KAZN: variants seen among roughly 807,000 people sequenced by gnomAD.
KAZN encodes the protein kazrin.
KAZN carries 40 observed loss-of-function variants against 87.4 expected under a neutral mutation model. The observed-to-expected ratio is 0.46, with a 90% CI of 0.36 to 0.60. The LOEUF is 0.60. KAZN is among the 20% of genes least tolerant of loss of function. KAZN has a pLI of 0.00. For synonymous variants in KAZN, 466 were observed against 458.3 expected (o/e 1.02, Z -0.22); for missense variants, 898 against 1,073.9 (o/e 0.84, Z 2.29).
At chr1:14,811,145 A>G (rs1434068082) in intron 1 of KAZN, among the ~76,000 whole-genome samples, 2 of 152,158 alleles carry the variant, frequency 1.3e-5, no homozygotes, top group Admixed American at 6.5e-5. Context: ...CCGACAGCAC[A>G]ATTGTCAGAA....
intron 2 of KAZN, among the ~76,000 whole-genome samples, chr1:14,569,451 T>C (rs1674731839): frequency 6.7e-6 from 1 of 149,864 alleles, no homozygotes; most frequent in African/African-American, 2.5e-5. Flanking sequence ...GCCTCCCGAG[T>C]AGCTGGGATT....
intron 1 of KAZN, among the ~76,000 whole-genome samples, chr1:14,172,970 G>A (rs1557535365): frequency 6.6e-6 from 1 of 152,138 alleles, no homozygotes; most frequent in African/African-American, 2.4e-5. Context: ...GCTTCTCCCA[G>A]AAGGAGCATT....
intron 2 of KAZN, among the ~76,000 whole-genome samples, chr1:14,308,063 C>T (rs1655046396): frequency 6.6e-6 from 1 of 152,060 alleles, no homozygotes; most frequent in South Asian, 2.1e-4. Flanking sequence ...GGCCTGTGTT[C>T]TTTAAAAATT....
At chr1:14,895,666 A>C (rs1655186842) in intron 1 of KAZN, among the ~76,000 whole-genome samples, 1 of 152,168 alleles carries the variant, frequency 6.6e-6, no homozygotes. Flanking sequence ...CTTGTGTCCC[A>C]AGTCTTTTCA....
chr1:14,983,768 C>A (rs1300217789), intron 2 of KAZN, among the ~76,000 whole-genome samples: 1 of 150,744 alleles, frequency 6.6e-6, no homozygotes, highest in African/African-American at 2.4e-5. Flanking sequence ...ATGGTGAAAC[C>A]CTGTCTCTAC....
At chr1:14,092,481 C>A (rs937684658) in intron 1 of KAZN, among the ~76,000 whole-genome samples, 12 of 150,384 alleles carry the variant, frequency 8.0e-5, no homozygotes, top group Non-Finnish European at 1.6e-4. Flanking sequence ...TACACACACA[C>A]AACACACACA....
At chr1:14,203,297 G>A (rs536631993) in intron 2 of KAZN, among the ~76,000 whole-genome samples, 123 of 152,254 alleles carry the variant, frequency 8.1e-4, no homozygotes, top group Non-Finnish European at 1.6e-3. Context: ...TTCATTAGAA[G>A]TGGATAATAG....
chr1:14,731,806 T>C (rs1643690040), intron 1 of KAZN, among the ~76,000 whole-genome samples: 1 of 152,222 alleles, frequency 6.6e-6, no homozygotes, highest in Non-Finnish European at 1.5e-5. Context: ...ACAAGTGCCT[T>C]AATGTTGCTG....
At chr1:14,236,006 A>G (rs1648387474) in intron 2 of KAZN, among the ~76,000 whole-genome samples, 1 of 152,088 alleles carries the variant, frequency 6.6e-6, no homozygotes, top group Non-Finnish European at 1.5e-5. Context: ...TTACTCCTCC[A>G]TTCTTAGGAG....
intron 1 of KAZN, among the ~76,000 whole-genome samples, chr1:14,096,294 G>T (rs1483292679): frequency 6.6e-6 from 1 of 152,160 alleles, no homozygotes; most frequent in Non-Finnish European, 1.5e-5. Context: ...GGGGTATAAA[G>T]GGTAATAATT....
chr1:14,538,781 G>C (rs1672644475), intron 2 of KAZN, among the ~76,000 whole-genome samples: 1 of 152,174 alleles, frequency 6.6e-6, no homozygotes, highest in African/African-American at 2.4e-5. Context: ...TCAGTAAACT[G>C]ATCACTTTTG....
At chr1:14,616,981 C>A (rs1200738497) in intron 1 of KAZN, among the ~76,000 whole-genome samples, 2 of 152,190 alleles carry the variant, frequency 1.3e-5, no homozygotes, top group Non-Finnish European at 2.9e-5. Flanking sequence ...TTTGGTCATT[C>A]AGTGAGTGTC....
intron 1 of KAZN, among the ~76,000 whole-genome samples, chr1:14,787,134 TC>T (rs1645532450): frequency 6.6e-6 from 1 of 152,202 alleles, no homozygotes; most frequent in Non-Finnish European, 1.5e-5. Context: ...TGAGTTCAAG[TC>T]TGATTTTGGT....
upstream of KAZN, among the ~76,000 whole-genome samples, chr1:14,595,692 AAAAAAAG>A (rs1380072139): frequency 3.3e-5 from 5 of 151,184 alleles, no homozygotes; most frequent in East Asian, 1.9e-4. Flanking sequence ...AAAAAAAAAA[AAAAAAAG>A]AAAAAGAAAA....
chr1:14,513,162 G>A (rs1328014527), intron 2 of KAZN, among the ~76,000 whole-genome samples: 1 of 152,134 alleles, frequency 6.6e-6, no homozygotes, highest in African/African-American at 2.4e-5. Flanking sequence ...TTAGAATCAT[G>A]TCCAATTTCT....
At chr1:14,499,533 A>G (rs12733612) in intron 2 of KAZN, among the ~76,000 whole-genome samples, 109,262 of 152,022 alleles carry the variant, frequency 0.72, 40,404 homozygotes, top group Non-Finnish European at 0.82. Context: ...CTGAATAACA[A>G]TGGTGCATTG....
At chr1:14,414,194 C>T (rs762684394) in intron 2 of KAZN, among the ~76,000 whole-genome samples, 16 of 152,196 alleles carry the variant, frequency 1.1e-4, no homozygotes, top group Non-Finnish European at 1.5e-4. Flanking sequence ...TAATTTACAG[C>T]GGAATTTGGC....
intron 1 of KAZN, among the ~76,000 whole-genome samples, chr1:14,077,985 A>G (rs1256460109): frequency 1.3e-5 from 2 of 152,250 alleles, no homozygotes; most frequent in Non-Finnish European, 2.9e-5. Flanking sequence ...AACTCTGCTG[A>G]CATTGGACTT....
chr1:14,302,822 G>A (rs934186256), intron 2 of KAZN, among the ~76,000 whole-genome samples: 1 of 152,106 alleles, frequency 6.6e-6, no homozygotes, highest in African/African-American at 2.4e-5. Context: ...TGATCACCAC[G>A]AGCCACCTCT....
Sources: gnomAD v4.1 joint callset for allele counts (sites outside exome capture counted in the v4.1 genomes callset) on GRCh38, gnomAD v4.1.1 for gene constraint, MANE v1.5 for transcripts, NCBI Gene and HGNC (gene_info 2026-07-23, HGNC 2026-07-21) for gene names.